The following PTBP1 variants were observed in gnomAD, a reference collection of about 807,000 sequenced individuals.
PTBP1 encodes polypyrimidine tract-binding protein 1.
Under a neutral mutation model 59.8 loss-of-function variants are expected in PTBP1, and 8 were observed. The ratio of observed to expected loss-of-function variants is 0.13; its 90% CI spans 0.08 to 0.24. PTBP1 has a LOEUF of 0.24. Ranked by LOEUF, PTBP1 falls within the 10% of genes least tolerant of loss-of-function variation. The pLI, the probability that PTBP1 is intolerant of heterozygous loss-of-function variation, is 1.00. For synonymous variants in PTBP1, 490 were observed against 320.7 expected (o/e 1.53, Z -5.64); for missense variants, 686 against 767.0 (o/e 0.89, Z 1.25).
chr19:800,862 C>T (rs2034302329), intron 2 of PTBP1, among the ~76,000 whole-genome samples: 1 of 152,138 alleles, frequency 6.6e-6, no homozygotes, highest in African/African-American at 2.4e-5. Context: ...CCCTCCTCTG[C>T]AGTTCCTAGG....
At position 805,022 on chromosome 19, in the gene PTBP1, G is replaced by C; in HGVS notation, c.727G>C (p.Gly243Arg). 1 of 1,613,608 alleles carries C rather than the reference G, an allele frequency of 6.2e-7. No individual in the cohort carries two copies. Among genetic ancestry groups the C allele is most frequent in the Non-Finnish European group, 8.5e-7 (1 of 1,179,732 alleles). Residue 243 changes from glycine (G) to arginine (R), a missense_variant, in exon 8 of 15, where the codon GGG (glycine) becomes CGG (arginine). Transcript: ENST00000356948. ...GTCCCTCTCCCCTCAGTCGCTGGAC[G>C]GGCAGAACATCTACAACGCCTGCTG... is the stretch of plus-strand genomic sequence containing the variant. ...SAQHAKLSLD[G>R]QNIYNACCTL...
At chr19:800,971 C>T (rs949737398) in intron 2 of PTBP1, among the ~76,000 whole-genome samples, 1 of 152,100 alleles carries the variant, frequency 6.6e-6, no homozygotes, top group African/African-American at 2.4e-5. Flanking sequence ...GGGTGCAGGC[C>T]CTGGTAGGAG....
intron 13 of PTBP1, 47 bp from the exon 14 acceptor site, chr19:810,496 C>A (rs1173561658): frequency 6.4e-7 from 1 of 1,557,452 alleles, no homozygotes; most frequent in Admixed American, 1.8e-5. Context: ...TGACTGGGCG[C>A]CCCCACCCCC....
rs370328593 is a variant in PTBP1 at position 808,776 on chromosome 19, C to T, written c.1463+14C>T. The T allele has an allele frequency of 7.5e-5, 115 of 1,542,020 alleles. No homozygotes were observed. Among genetic ancestry groups the T allele is most frequent in the Admixed American group, 5.6e-4 (33 of 58,486 alleles). On this transcript the variant is annotated intron_variant, in intron 13 of 14. Coordinates refer to ENST00000356948, the MANE Select transcript of PTBP1 (RefSeq NM_002819.5). This position sits in a 1 kb window ranked among gnomAD's most constrained non-coding sequence, Gnocchi z 4.7. ...CTCCAACATCCCGTGAGTGCTGGGC[C>T]GGGGGGCTCATGGGGCCGGGGGCGG... is the stretch of plus-strand genomic sequence containing the variant.
chr19:810,474 G>C lies in PTBP1; in HGVS notation c.1464-69G>C, dbSNP rs2034808243. On this transcript the variant is annotated intron_variant, in intron 13 of 14. Coordinates refer to ENST00000356948, the MANE Select transcript of PTBP1 (RefSeq NM_002819.5). Reference sequence around the variant, plus strand: ...TACTCTGAAAACTAGTCTGGGGAAAGCCTCGCGGACCTGACTGGGCGCCCC... The same window carrying C: ...TACTCTGAAAACTAGTCTGGGGAAACCCTCGCGGACCTGACTGGGCGCCCC... 4.4e-6 allele frequency: 6 copies of C among 1,377,546 alleles called. No homozygotes were observed. The Admixed American group carries it at 1.3e-4, about 29-fold the overall frequency. 85.3% of individuals were successfully genotyped at this position (1,377,546 alleles called of 1,614,324 possible). A position where few individuals can be genotyped will look rare whatever the true frequency, so the allele number is the denominator to read the frequency against.
At position 810,888 on chromosome 19, in the gene PTBP1, A is replaced by G. The variant is rs2034832903; in HGVS notation, c.*62A>G. On this transcript the variant is annotated 3_prime_UTR_variant, in exon 15 of 15. Transcript: ENST00000356948. The stretch of plus-strand genomic sequence containing the variant: ...ACTTCCATCATTCCAGAGAAAAGCC[A>G]CTTTAAAAACAGCTGAAGTGACCTT... 2 of 1,446,152 alleles carry G rather than the reference A, an allele frequency of 1.4e-6. No individual in the cohort carries two copies. The highest frequency in any genetic ancestry group is 1.5e-5 in the African/African-American group (1 of 68,814). The allele number at this position is 1,446,152 out of a possible 1,614,324, so 89.6% of individuals were successfully genotyped here. A position where few individuals can be genotyped will look rare whatever the true frequency, so the allele number is the denominator to read the frequency against.
At chr19:806,093 CG>C (rs1249461953) in intron 9 of PTBP1, 12 of 312,192 alleles carry the variant, frequency 3.8e-5, no homozygotes, top group Middle Eastern at 9.0e-4. Flanking sequence ...GGTCCCGGGA[CG>C]GGCCCTGCTT....
Position 808,563 on chromosome 19 carries a change from G to C in PTBP1, c.1264G>C (p.Gly422Arg), listed in dbSNP as rs757338983. 6.3e-6 allele frequency: 10 copies of C among 1,596,978 alleles called. No homozygotes were observed. The highest frequency in any genetic ancestry group is 8.5e-7 in the Non-Finnish European group (1 of 1,173,898). The change falls in exon 13 of 15, where the codon GGG (glycine) becomes CGG (arginine). Residue 422 changes from glycine to arginine, a missense_variant. Coordinates refer to ENST00000356948, the MANE Select transcript of PTBP1 (RefSeq NM_002819.5). The surrounding 1 kb of genome is among the most constrained non-coding windows in gnomAD (Gnocchi z 4.7). ...QAQLAMSHLN[G>R]HKLHGKPIRI... ...TCCCCCAGCCATGAGCCACCTGAACGGGCACAAGCTGCACGGGAAGCCCAT... is the reference window on the plus strand; with the variant it reads ...TCCCCCAGCCATGAGCCACCTGAACCGGCACAAGCTGCACGGGAAGCCCAT...
intron 2 of PTBP1, among the ~76,000 whole-genome samples, chr19:800,252 T>A (rs1490458747): frequency 6.6e-6 from 1 of 152,086 alleles, no homozygotes; most frequent in Non-Finnish European, 1.5e-5. Context: ...GTATCTTTGA[T>A]GGCATCTGGT....
chr19:806,035 C>T (rs1177893457), intron 9 of PTBP1: 1 of 237,404 alleles, frequency 4.2e-6, no homozygotes, highest in Non-Finnish European at 8.1e-6. Context: ...GCGCGTGCCG[C>T]CCGGCGGCCG....
chr19:799,097 A>G (rs1260517825), intron 1 of PTBP1, among the ~76,000 whole-genome samples: 1 of 152,230 alleles, frequency 6.6e-6, no homozygotes, highest in Admixed American at 6.5e-5. Context: ...GGCATCTAGC[A>G]TTCCTCGGGG....
rs781284434 is a variant in PTBP1 at position 804,614 on chromosome 19, C to T, written c.518C>T (p.Ala173Val). 1.9e-6 allele frequency: 3 copies of T among 1,612,618 alleles called. No homozygotes were observed. The highest frequency in any genetic ancestry group is 1.7e-5 in the Admixed American group (1 of 60,006). ...ALAASAAAVD[A>V]GMAMAGQSPV... ...GCTGCCTCGGCGGCGGCCGTGGACG[C>T]AGGGATGGCGATGGCCGGGCAGAGC... Residue 173 changes from alanine (A) to valine (V), a missense_variant, in exon 6 of 15, where the codon GCA becomes GTA. Coordinates refer to ENST00000356948, the MANE Select transcript of PTBP1 (RefSeq NM_002819.5).
At chr19:797,994 C>T (rs906833047) in intron 1 of PTBP1, among the ~76,000 whole-genome samples, 12 of 150,348 alleles carry the variant, frequency 8.0e-5, no homozygotes, top group African/African-American at 2.9e-4. Context: ...ACTCTGCCCC[C>T]GGCGCAGCCC....
chr19:805,735 A>G, intron 9 of PTBP1, 166 bp downstream of exon 9: 1 of 657,266 alleles, frequency 1.5e-6, no homozygotes, highest in Non-Finnish European at 2.7e-6. Context: ...AGGCTTGGCC[A>G]GGGCAGTGGT....
chr19:808,955 T>C lies in PTBP1; in HGVS notation c.1463+193T>C, dbSNP rs2034715666. ...TCAAGGGAGGGGGTCGTTGGACACT[T>C]TGGAGGTTTTGGCTCAGGGGATGCT... On this transcript the variant is annotated intron_variant, in intron 13 of 14. Coordinates refer to ENST00000356948, the MANE Select transcript of PTBP1 (RefSeq NM_002819.5). The surrounding 1 kb of genome is among the most constrained non-coding windows in gnomAD (Gnocchi z 4.7). Among the ~76,000 whole-genome samples, 1 of 152,064 alleles carries C rather than the reference T, an allele frequency of 6.6e-6. No individual in the cohort carries two copies. The highest frequency in any genetic ancestry group is 1.5e-5 in the Non-Finnish European group (1 of 67,996).
At chr19:807,508 G>GT (rs781735044) in intron 10 of PTBP1, 2 of 294,150 alleles carry the variant, frequency 6.8e-6, no homozygotes, top group Non-Finnish European at 1.3e-5. Context: ...TGATTCTTAT[G>GT]TATTTACTGA....
At chr19:803,136 G>T (rs953516292) in intron 2 of PTBP1, among the ~76,000 whole-genome samples, 1 of 152,134 alleles carries the variant, frequency 6.6e-6, no homozygotes, top group Non-Finnish European at 1.5e-5. Flanking sequence ...CCTGCCGTGT[G>T]CTGCTGGGGG....
At chr19:806,743 A>C (rs2034599071) in intron 10 of PTBP1, 187 bp downstream of exon 10, 2 of 518,826 alleles carry the variant, frequency 3.9e-6, no homozygotes, top group South Asian at 3.7e-5. Context: ...CTTTTCCTGA[A>C]TTCACATCTT....
chr19:808,199 T>C lies in PTBP1; in HGVS notation c.1154-161T>C, dbSNP rs2034666156. 1 of 672,322 alleles carries C rather than the reference T, an allele frequency of 1.5e-6. No homozygotes were observed. The highest frequency in any genetic ancestry group is 1.8e-5 in the South Asian group (1 of 55,292). 41.6% of individuals were successfully genotyped at this position (672,322 alleles called of 1,614,324 possible). Reference sequence around the variant, plus strand: ...CTTTGCTGAACGGAGCTGCTCCTGTTAGCGCGCCCTGTGGCTGCGAGACGC... The same window carrying C: ...CTTTGCTGAACGGAGCTGCTCCTGTCAGCGCGCCCTGTGGCTGCGAGACGC... On this transcript the variant is annotated intron_variant, in intron 11 of 14. Coordinates refer to ENST00000356948, the MANE Select transcript of PTBP1 (RefSeq NM_002819.5). The surrounding 1 kb of genome is among the most constrained non-coding windows in gnomAD (Gnocchi z 4.7).
Sources: gnomAD v4.1 joint callset for allele counts (sites outside exome capture counted in the v4.1 genomes callset) on GRCh38, gnomAD v4.1.1 for gene constraint, Gnocchi (gnomAD v3.1) non-coding constraint, MANE v1.5 for transcripts, NCBI Gene and HGNC (gene_info 2026-07-23, HGNC 2026-07-21) for gene names.